Variants in CDH18 observed in about 807,000 individuals in gnomAD.
CDH18 encodes the protein cadherin 18.
Under a neutral mutation model 67.9 loss-of-function variants are expected in CDH18, and 31 were observed. That is an observed-to-expected ratio of 0.46 (90% CI 0.34 to 0.62). The LOEUF is 0.62. Ranked by LOEUF, CDH18 falls within the 20% of genes least tolerant of loss-of-function variation. The pLI is 0.01. For synonymous variants in CDH18, 362 were observed against 347.2 expected (o/e 1.04, Z -0.48); for missense variants, 890 against 975.5 (o/e 0.91, Z 1.17).
chr5:20,027,935 CT>C (rs1407866532), intron 2 of CDH18, among the ~76,000 whole-genome samples: 1 of 152,104 alleles, frequency 6.6e-6, no homozygotes, highest in African/African-American at 2.4e-5. Flanking sequence ...TATGAGACGA[CT>C]TTTTGTCAAG....
chr5:20,078,959 A>G (rs1422096864), intron 2 of CDH18, among the ~76,000 whole-genome samples: 4 of 152,176 alleles, frequency 2.6e-5, no homozygotes, highest in African/African-American at 9.7e-5. Flanking sequence ...TAATAATTTT[A>G]TATATTATGA....
chr5:20,208,862 T>C (rs1740125188), intron 2 of CDH18, among the ~76,000 whole-genome samples: 2 of 151,810 alleles, frequency 1.3e-5, no homozygotes, highest in East Asian at 3.9e-4. Context: ...AAAGAATACA[T>C]AAAGCTCAAA....
chr5:20,408,119 G>GA (rs902419353), intron 1 of CDH18, among the ~76,000 whole-genome samples: 6 of 151,718 alleles, frequency 4.0e-5, no homozygotes, highest in African/African-American at 1.5e-4. Context: ...ATTACTGAAA[G>GA]AAAAAAACTA....
At chr5:20,090,304 A>G (rs764957100) in intron 2 of CDH18, among the ~76,000 whole-genome samples, 1 of 152,170 alleles carries the variant, frequency 6.6e-6, no homozygotes, top group Non-Finnish European at 1.5e-5. Context: ...TGGGAGGCCA[A>G]GGTGGGCGAA....
chr5:20,250,445 A>AC (rs1743754845), intron 2 of CDH18, among the ~76,000 whole-genome samples: 1 of 151,888 alleles, frequency 6.6e-6, no homozygotes, highest in Non-Finnish European at 1.5e-5. Context: ...GGCGCCCGCC[A>AC]CCACGCCCAG....
At chr5:19,715,483 C>CTATTCTGAG (rs1765233754) in intron 5 of CDH18, among the ~76,000 whole-genome samples, 1 of 152,074 alleles carries the variant, frequency 6.6e-6, no homozygotes, top group Non-Finnish European at 1.5e-5. Flanking sequence ...TCTAGAGACA[C>CTATTCTGAG]TATTCTGAGT....
intron 2 of CDH18, among the ~76,000 whole-genome samples, chr5:20,080,248 TA>T (rs1744334591): frequency 6.6e-6 from 1 of 152,224 alleles, no homozygotes; most frequent in East Asian, 1.9e-4. Flanking sequence ...ATCCTTTTTT[TA>T]TTACATTGGC....
intron 1 of CDH18, among the ~76,000 whole-genome samples, chr5:19,987,866 C>T (rs1156948631): frequency 6.6e-6 from 1 of 152,102 alleles, no homozygotes; most frequent in Non-Finnish European, 1.5e-5. Context: ...TCGATAGGCT[C>T]TATGGCAGCA....
chr5:20,385,311 G>A (rs1050920974), intron 1 of CDH18, among the ~76,000 whole-genome samples: 16 of 152,106 alleles, frequency 1.1e-4, no homozygotes, highest in African/African-American at 3.9e-4. Flanking sequence ...CGATTGCCAA[G>A]CACCCTTTTG....
intron 2 of CDH18, among the ~76,000 whole-genome samples, chr5:19,961,991 C>G (rs1283472185): frequency 6.6e-6 from 1 of 151,720 alleles, no homozygotes; most frequent in African/African-American, 2.4e-5. Flanking sequence ...ACCTTCTCTC[C>G]TGTAGATATT....
At chr5:19,903,690 G>A (rs1478397262) in intron 2 of CDH18, among the ~76,000 whole-genome samples, 1 of 141,358 alleles carries the variant, frequency 7.1e-6, no homozygotes, top group Non-Finnish European at 1.5e-5. Flanking sequence ...GCAGCATGTG[G>A]ATAACACTCA....
intron 2 of CDH18, among the ~76,000 whole-genome samples, chr5:20,019,428 C>G (rs572232243): frequency 1.3e-5 from 2 of 152,018 alleles, no homozygotes; most frequent in Non-Finnish European, 2.9e-5. Flanking sequence ...CAAATTGTAA[C>G]CCCCCAATGT....
At chr5:19,801,516 C>A (rs1777468210) in intron 3 of CDH18, among the ~76,000 whole-genome samples, 1 of 152,136 alleles carries the variant, frequency 6.6e-6, no homozygotes, top group Admixed American at 6.5e-5. Flanking sequence ...TTCAGATTGG[C>A]TTACTTAATT....
At chr5:19,548,180 C>A (rs1736674839) in intron 8 of CDH18, among the ~76,000 whole-genome samples, 1 of 151,276 alleles carries the variant, frequency 6.6e-6, no homozygotes, top group African/African-American at 2.4e-5. Context: ...GATTTTTTTA[C>A]AAATAATTAA....
chr5:19,531,484 G>A (rs887808864), intron 9 of CDH18, among the ~76,000 whole-genome samples: 3 of 152,112 alleles, frequency 2.0e-5, no homozygotes, highest in African/African-American at 7.2e-5. Flanking sequence ...ACTGCTGATG[G>A]TAATGCAAAG....
intron 5 of CDH18, among the ~76,000 whole-genome samples, chr5:19,614,166 T>C (rs1426130567): frequency 6.6e-6 from 1 of 152,002 alleles, no homozygotes; most frequent in East Asian, 1.9e-4. Context: ...TTCAATGACT[T>C]GTTTTGTCAT....
In CDH18 at chr5:20,345,468, T is replaced by C. The variant is rs550408771; in HGVS notation, c.-579-89963A>G. Among the ~76,000 whole-genome samples, 119 of 152,282 alleles carry C rather than the reference T, an allele frequency of 7.8e-4. 1 individual carries two copies. In the Middle Eastern group the frequency reaches 0.01, roughly 13 times the overall value. On this transcript the variant is annotated intron_variant, in intron 1 of 14. Coordinates refer to the CDH18 transcript ENST00000507958. ...ATTGCTTTCAAAGTGATTAGCCTAT[T>C]TTGCTTTTTATTCCTGTTTTTTCCC...
chr5:19,713,315 C>A (rs779172769), intron 5 of CDH18, among the ~76,000 whole-genome samples: 25 of 152,070 alleles, frequency 1.6e-4, no homozygotes, highest in Non-Finnish European at 3.1e-4. Flanking sequence ...CTCCTGGTAG[C>A]AGCTGGTCAA....
intron 1 of CDH18, among the ~76,000 whole-genome samples, chr5:20,414,548 A>G (rs1747112041): frequency 6.6e-6 from 1 of 152,200 alleles, no homozygotes; most frequent in South Asian, 2.1e-4. Context: ...ATTCAATAGT[A>G]GCCCAAACCC....
Sources: gnomAD v4.1 joint callset for allele counts (sites outside exome capture counted in the v4.1 genomes callset) on GRCh38, gnomAD v4.1.1 for gene constraint, MANE v1.5 for transcripts, NCBI Gene and HGNC (gene_info 2026-07-23, HGNC 2026-07-21) for gene names.